The following ARHGEF16 variants were observed in gnomAD, a reference collection of about 807,000 sequenced individuals.
ARHGEF16 encodes the protein Rho guanine nucleotide exchange factor 16, also known as Rho guanine exchange factor (GEF) 16.
ARHGEF16 carries 59 observed loss-of-function variants against 74.1 expected under a neutral mutation model. That is an observed-to-expected ratio of 0.80 (90% CI 0.65 to 0.99). ARHGEF16 has a LOEUF of 0.99. ARHGEF16 is among the 50% of genes least tolerant of loss of function. ARHGEF16 has a pLI of 0.00. For synonymous variants in ARHGEF16, 415 were observed against 412.6 expected, an observed-to-expected ratio of 1.01 and a Z score of -0.07; for missense variants, 948 against 986.6, an observed-to-expected ratio of 0.96 and a Z score of 0.52.
Position 3,478,007 on chromosome 1 carries a change from G to A in ARHGEF16, c.1606G>A (p.Val536Ile). ...CYLFLFNDVL[V>I]VTKKKSEESY... The stretch of plus-strand genomic sequence containing the variant: ...CCTTTTCCTGTTCAACGATGTCCTG[G>A]TTGTGACCAAGAAGAAGAGGTGGCC... Residue 536 changes from valine to isoleucine, a missense_variant, in exon 11 of 15, where the codon GTT (valine) becomes ATT (isoleucine). Coordinates refer to ENST00000378378, the MANE Select transcript of ARHGEF16 (RefSeq NM_014448.4). 2 of 1,612,718 alleles carry A rather than the reference G, an allele frequency of 1.2e-6. No homozygotes were observed. The highest frequency in any genetic ancestry group is 1.7e-5 in the Admixed American group (1 of 60,030).
intron 9 of ARHGEF16, 75 bp from the exon 10 acceptor site, chr1:3,475,895 G>A (rs1286782149): frequency 5.6e-6 from 8 of 1,433,940 alleles, no homozygotes; most frequent in Non-Finnish European, 5.7e-6. Context: ...AGGTGTCCTG[G>A]GCACACTGTG....
chr1:3,474,850 C>T (rs1006628945), intron 9 of ARHGEF16, 68 bp downstream of exon 9: 2 of 1,436,408 alleles, frequency 1.4e-6, no homozygotes, highest in East Asian at 2.4e-5. Context: ...CCCAACCCCA[C>T]CCTACCCGAT....
At chr1:3,471,587 G>A in intron 6 of ARHGEF16, 1 of 1,090,252 alleles carries the variant, frequency 9.2e-7, no homozygotes, top group South Asian at 2.1e-5. Flanking sequence ...CCCCAGCTCT[G>A]CCCCCAGCCA....
At chr1:3,459,397 G>A (rs1557685458) in intron 1 of ARHGEF16, among the ~76,000 whole-genome samples, 1 of 152,120 alleles carries the variant, frequency 6.6e-6, no homozygotes, top group East Asian at 1.9e-4. Flanking sequence ...ATCTACAGTG[G>A]GAATGCTCAT....
intron 4 of ARHGEF16, among the ~76,000 whole-genome samples, chr1:3,468,204 T>A (rs1639602395): frequency 6.6e-6 from 1 of 152,144 alleles, no homozygotes. Flanking sequence ...CGACCCTGCA[T>A]GGGAAGGAGG....
chr1:3,479,969 C>G (rs2100764067), intron 14 of ARHGEF16, 56 bp downstream of exon 14: 1 of 1,559,022 alleles, frequency 6.4e-7, no homozygotes, highest in East Asian at 2.3e-5. Flanking sequence ...GGGCGTGAGT[C>G]AGCGTCCAGC....
chr1:3,466,339 C>T (rs1046105492), intron 3 of ARHGEF16, 146 bp downstream of exon 3: 5 of 854,586 alleles, frequency 5.9e-6, no homozygotes, highest in Admixed American at 5.9e-5. Context: ...GCTGAGGTCC[C>T]AGTGGCTGGT....
Position 3,463,199 on chromosome 1 carries a change from C to A in ARHGEF16, c.115C>A (p.Arg39Ser). The A allele has an allele frequency of 2.6e-6, 4 of 1,543,210 alleles. No homozygotes were observed. Among genetic ancestry groups the A allele is most frequent in the Non-Finnish European group, 3.5e-6 (4 of 1,141,756 alleles). The change falls in exon 2 of 15, where the codon CGT becomes AGT. Residue 39 changes from arginine (R) to serine (S), a missense_variant. By Grantham distance (110) the Arg-to-Ser change is moderately radical (BLOSUM62 -1). Transcript: ENST00000378378. The part of the protein sequence containing the change: ...GNPASGLPMV[R>S]GSPRVRDDAA... The stretch of plus-strand genomic sequence containing the variant: ...CCCAGCCTCCGGGCTCCCAATGGTC[C>A]GTGGCTCCCCGCGTGTTAGAGACGA...
chr1:3,468,591 C>A, intron 4 of ARHGEF16: 1 of 463,506 alleles, frequency 2.2e-6, no homozygotes, highest in South Asian at 2.2e-5. Context: ...CAAGATCCCC[C>A]CCCGCCCTCT....
intron 9 of ARHGEF16, 53 bp from the exon 10 acceptor site, chr1:3,475,917 C>A: frequency 1.3e-6 from 2 of 1,506,754 alleles, no homozygotes. Flanking sequence ...GCCGTGTGGG[C>A]TGTGCCAGGG....
At position 3,469,303 on chromosome 1, in the gene ARHGEF16, G is replaced by T. The variant is rs373451331; in HGVS notation, c.862-130G>T. 7.6e-6 allele frequency: 8 copies of T among 1,050,058 alleles called. No homozygotes were observed. The Admixed American group carries it at 1.8e-4, about 24-fold the overall frequency. 65.0% of individuals were successfully genotyped at this position (1,050,058 alleles called of 1,614,324 possible). ...GGCCATTCTGACAGCCCCATCCAGG[G>T]GTGTGTCTGGGGTTCCTGTCCCCAC... On this transcript the variant is annotated intron_variant, in intron 5 of 14. Transcript: ENST00000378378.
At chr1:3,457,218 G>A (rs1033726163) in intron 1 of ARHGEF16, among the ~76,000 whole-genome samples, 11 of 152,356 alleles carry the variant, frequency 7.2e-5, no homozygotes, top group African/African-American at 9.6e-5. Flanking sequence ...GAAGTTTGAC[G>A]GGCAGAATTA....
rs145970985 is a variant in ARHGEF16, at chr1:3,480,573, G to A, written c.2116G>A (p.Glu706Lys). 1.6e-5 allele frequency: 25 copies of A among 1,608,210 alleles called. No homozygotes were observed. The highest frequency in any genetic ancestry group is 1.7e-4 in the Middle Eastern group (1 of 6,058). ...CCGCAGGATGGAGCGTCTGCGGGTG[G>A]AGACGGACGTGTAGCCCTGGCGAGG... ...NVRRMERLRVETDV is the reference protein window; with the variant it reads ...NVRRMERLRVKTDV The change falls in exon 15 of 15, where the codon GAG becomes AAG. Residue 706 changes from glutamate (E) to lysine (K), a missense_variant. By Grantham distance (56) the Glu-to-Lys change is moderately conservative. Transcript: ENST00000378378.
At chr1:3,468,123 G>T (rs1438458630) in intron 4 of ARHGEF16, among the ~76,000 whole-genome samples, 1 of 152,220 alleles carries the variant, frequency 6.6e-6, no homozygotes, top group Admixed American at 6.5e-5. Flanking sequence ...CCTGCTGGGA[G>T]CTGGGGGCGT....
At chr1:3,459,421 AGG>A (rs1007331101) in intron 1 of ARHGEF16, among the ~76,000 whole-genome samples, 2 of 139,520 alleles carry the variant, frequency 1.4e-5, no homozygotes, top group African/African-American at 6.8e-5. Flanking sequence ...CTCACCAGTC[AGG>A]GGAGAGGAAG....
At chr1:3,476,509 G>T (rs990002297) in intron 10 of ARHGEF16, among the ~76,000 whole-genome samples, 8 of 152,170 alleles carry the variant, frequency 5.3e-5, no homozygotes, top group Non-Finnish European at 1.0e-4. Flanking sequence ...ATGTTTCCCA[G>T]TGAGGCTTGG....
chr1:3,455,272 C>T (rs1174530630), intron 1 of ARHGEF16, among the ~76,000 whole-genome samples: 3 of 152,188 alleles, frequency 2.0e-5, no homozygotes, highest in African/African-American at 7.2e-5. Flanking sequence ...GAATCTGACA[C>T]CCAAACCTGC....
chr1:3,466,318 T>C (rs939560782), intron 3 of ARHGEF16, 125 bp downstream of exon 3: 2 of 1,050,186 alleles, frequency 1.9e-6, no homozygotes, highest in African/African-American at 3.3e-5. Flanking sequence ...CTTGACAGGG[T>C]CCTTCCAGAG....
intron 13 of ARHGEF16, 61 bp from the exon 14 acceptor site, chr1:3,479,747 CCGTT>C: frequency 6.3e-7 from 1 of 1,576,864 alleles, no homozygotes; most frequent in African/African-American, 1.3e-5. Context: ...CTGCTGGAGG[CCGTT>C]GGGGAGTGGA....
Sources: allele counts gnomAD v4.1 joint callset (sites outside exome capture counted in the v4.1 genomes callset), GRCh38; gene constraint gnomAD v4.1.1; transcripts MANE v1.5; gene names NCBI Gene and HGNC (gene_info 2026-07-23, HGNC 2026-07-21).